Variants in CGRRF1 observed in about 807,000 individuals in gnomAD.
CGRRF1 encodes the protein cell growth regulator with RING finger domain protein 1.
A neutral mutation model predicts 37.2 loss-of-function variants in CGRRF1; 32 were observed. That is an observed-to-expected ratio of 0.86 (90% CI 0.65 to 1.16). CGRRF1 has a LOEUF of 1.16. Among genes scored for constraint, CGRRF1 ranks in the 50% most tolerant of loss-of-function variants. The pLI is 0.00. For synonymous variants in CGRRF1, 141 were observed against 140.3 expected, an observed-to-expected ratio of 1.00 and a Z score of -0.04; for missense variants, 391 against 382.6, an observed-to-expected ratio of 1.02 and a Z score of -0.18.
rs2032628043 is a variant in CGRRF1, at chr14:54,538,080, AAAT to A, written c.703_705del (p.Asn235del). 3.1e-6 allele frequency: 5 copies of A among 1,605,544 alleles called. No homozygotes were observed. The highest frequency in any genetic ancestry group is 3.4e-6 in the Non-Finnish European group (4 of 1,177,108). On this transcript the variant is annotated inframe_deletion, in exon 6 of 6. Coordinates refer to ENST00000216420, the MANE Select transcript of CGRRF1 (RefSeq NM_006568.3). ...ATTTTCAGCAACTTTTCATGTCTGCAAATAATAATTTCACTCCCTCCAACAATT... is the reference window on the plus strand; with the variant it reads ...ATTTTCAGCAACTTTTCATGTCTGCAAATAATTTCACTCCCTCCAACAATT...
intron 2 of CGRRF1, among the ~76,000 whole-genome samples, chr14:54,523,939 C>T (rs944205072): frequency 6.6e-6 from 1 of 152,212 alleles, no homozygotes; most frequent in African/African-American, 2.4e-5. Context: ...AGATCTTTCT[C>T]TGCTTTTCAT....
intron 1 of CGRRF1, among the ~76,000 whole-genome samples, chr14:54,512,029 T>G (rs186985837): frequency 1.5e-4 from 23 of 151,996 alleles, no homozygotes; most frequent in Admixed American, 1.4e-3. Flanking sequence ...GATGAAAACT[T>G]GGACACCATC....
intron 1 of CGRRF1, among the ~76,000 whole-genome samples, chr14:54,520,901 T>C (rs2032305917): frequency 6.6e-6 from 1 of 152,142 alleles, no homozygotes; most frequent in Admixed American, 6.5e-5. Context: ...TGATATGTAT[T>C]TGGAGAGAAG....
Position 54,530,936 on chromosome 14 carries a change from C to T in CGRRF1, c.456C>T (p.Cys152=), listed in dbSNP as rs2032503799. 6.3e-7 allele frequency: 1 copy of T among 1,595,032 alleles called. No homozygotes were observed. The highest frequency in any genetic ancestry group is 8.6e-7 in the Non-Finnish European group (1 of 1,162,996). The change falls in exon 4 of 6, where the codon TGC becomes TGT. Residue 152 remains cysteine, a synonymous_variant. Transcript: ENST00000216420. ...AGGATAGCAAAGAAGAAATATATTG[C>T]CAGTTACCAAGAGATACTAAAATTG... The part of the protein sequence containing the change: ...IKKDSKEEIY[C]QLPRDTKIED...
At chr14:54,530,774 A>G (rs2032499988) in intron 3 of CGRRF1, 129 bp from the exon 4 acceptor site, 5 of 901,778 alleles carry the variant, frequency 5.5e-6, no homozygotes, top group Non-Finnish European at 7.0e-6. Flanking sequence ...GTATCCTTTT[A>G]TCTGATATAC....
chr14:54,536,454 A>G (rs1457264756), intron 4 of CGRRF1: 1 of 152,156 alleles, frequency 6.6e-6, no homozygotes, highest in Non-Finnish European at 1.5e-5. Flanking sequence ...GTGTAAATGC[A>G]TGTTGTTTTG....
At chr14:54,521,081 A>G (rs1288012649) in intron 1 of CGRRF1, among the ~76,000 whole-genome samples, 1 of 152,174 alleles carries the variant, frequency 6.6e-6, no homozygotes, top group Non-Finnish European at 1.5e-5. Flanking sequence ...ATTCTGTTCC[A>G]TGGGCATTGT....
intron 1 of CGRRF1, among the ~76,000 whole-genome samples, chr14:54,513,030 C>G (rs188976447): frequency 6.6e-6 from 1 of 152,168 alleles, no homozygotes; most frequent in African/African-American, 2.4e-5. Flanking sequence ...ATGAAAATTT[C>G]TCTTGATGTT....
intron 4 of CGRRF1, among the ~76,000 whole-genome samples, chr14:54,535,359 T>A (rs200185921): frequency 7.1e-6 from 1 of 140,496 alleles, no homozygotes; most frequent in African/African-American, 2.7e-5. Flanking sequence ...AAGGGTATAG[T>A]CACACACACA....
intron 2 of CGRRF1, among the ~76,000 whole-genome samples, chr14:54,529,476 C>A (rs1241216887): frequency 2.0e-5 from 3 of 152,230 alleles, no homozygotes; most frequent in Non-Finnish European, 4.4e-5. Context: ...AATCCCCACT[C>A]TTTTCCTCAG....
chr14:54,510,539 G>A (rs1053583338), intron 1 of CGRRF1, among the ~76,000 whole-genome samples: 1 of 152,188 alleles, frequency 6.6e-6, no homozygotes, highest in Non-Finnish European at 1.5e-5. Context: ...ATCTTTCAGA[G>A]TAACTTGTAA....
Position 54,530,937 on chromosome 14 carries a change from C to T in CGRRF1, c.457C>T (p.Gln153Ter). 6.3e-7 allele frequency: 1 copy of T among 1,595,692 alleles called. No homozygotes were observed. The highest frequency in any genetic ancestry group is 8.6e-7 in the Non-Finnish European group (1 of 1,163,580). Residue 153 changes from glutamine (Q) to a stop codon, truncating the protein, a stop_gained, in exon 4 of 6, where the codon CAG (glutamine) becomes TAG (stop). Transcript: ENST00000216420. LOFTEE classifies it high-confidence loss of function. Reference protein sequence around the residue: ...KKDSKEEIYCQLPRDTKIEDF... With the variant: ...KKDSKEEIYC ...GGATAGCAAAGAAGAAATATATTGC[C>T]AGTTACCAAGAGATACTAAAATTGA...
chr14:54,532,599 C>T (rs1223162210), intron 4 of CGRRF1, among the ~76,000 whole-genome samples: 1 of 145,642 alleles, frequency 6.9e-6, no homozygotes, highest in Non-Finnish European at 1.5e-5. Flanking sequence ...TAAATATATA[C>T]AATAAAAATA....
intron 2 of CGRRF1, among the ~76,000 whole-genome samples, chr14:54,525,981 C>T (rs948423913): frequency 1.3e-4 from 19 of 151,708 alleles, no homozygotes; most frequent in African/African-American, 4.6e-4. Flanking sequence ...CTGTTAGTGC[C>T]GGCTACTCAG....
chr14:54,534,218 G>C (rs927211158), intron 4 of CGRRF1, among the ~76,000 whole-genome samples: 3 of 152,064 alleles, frequency 2.0e-5, no homozygotes, highest in Non-Finnish European at 4.4e-5. Context: ...TCTGCTTCCT[G>C]GGTTCAAGCA....
chr14:54,537,857 T>G (rs2032624413), intron 5 of CGRRF1, 28 bp downstream of exon 5: 2 of 1,574,668 alleles, frequency 1.3e-6, no homozygotes, highest in Admixed American at 4.2e-5. Context: ...GTCTTATCTC[T>G]GTCTCTTTTG....
At chr14:54,528,004 G>A (rs1468687577) in intron 2 of CGRRF1, among the ~76,000 whole-genome samples, 2 of 152,108 alleles carry the variant, frequency 1.3e-5, no homozygotes, top group Non-Finnish European at 2.9e-5. Context: ...GCCTCCCAAA[G>A]TGCTGGAATT....
chr14:54,527,746 T>A (rs2032437768), intron 2 of CGRRF1, among the ~76,000 whole-genome samples: 1 of 151,552 alleles, frequency 6.6e-6, no homozygotes, highest in South Asian at 2.1e-4. Flanking sequence ...GGCTTATCCT[T>A]CCATTGTTCT....
intron 4 of CGRRF1, among the ~76,000 whole-genome samples, chr14:54,531,373 A>G (rs1487904507): frequency 1.3e-5 from 2 of 152,176 alleles, no homozygotes; most frequent in Admixed American, 6.5e-5. Flanking sequence ...CCTTCAGAGT[A>G]TGACTCATTT....
Sources: gnomAD v4.1 joint callset for allele counts (sites outside exome capture counted in the v4.1 genomes callset) on GRCh38, gnomAD v4.1.1 for gene constraint, MANE v1.5 for transcripts, NCBI Gene and HGNC (gene_info 2026-07-23, HGNC 2026-07-21) for gene names.